PLXDC2: variants seen among roughly 807,000 people sequenced by gnomAD.
The protein encoded by PLXDC2 is plexin domain containing 2.
A neutral mutation model predicts 68.9 loss-of-function variants in PLXDC2; 40 were observed. The observed-to-expected ratio is 0.58, with a 90% CI of 0.45 to 0.76. PLXDC2 has a LOEUF of 0.76. PLXDC2 is among the 30% of genes least tolerant of loss of function. The probability of loss-of-function intolerance (pLI) is 0.00; values close to 1 mark genes in which losing one functional copy is unlikely to be tolerated. For missense variants in PLXDC2, 644 were observed against 661.9 expected, an observed-to-expected ratio of 0.97 and a Z score of 0.30; for synonymous variants, 243 against 234.2, an observed-to-expected ratio of 1.04 and a Z score of -0.34.
intron 1 of PLXDC2, among the ~76,000 whole-genome samples, chr10:19,828,453 C>T (rs1414451082): frequency 2.0e-5 from 3 of 152,180 alleles, no homozygotes; most frequent in Admixed American, 6.5e-5. Flanking sequence ...CAGCTCAGCA[C>T]AGTCCATGAC....
chr10:20,211,791 T>C, intron 10 of PLXDC2, 62 bp downstream of exon 10: 1 of 1,471,724 alleles, frequency 6.8e-7, no homozygotes, highest in Non-Finnish European at 9.4e-7. Flanking sequence ...GTGTTTTAAC[T>C]GTTAATAATT....
intron 1 of PLXDC2, among the ~76,000 whole-genome samples, chr10:19,863,697 A>G (rs527602937): frequency 1.3e-5 from 2 of 152,344 alleles, no homozygotes; most frequent in South Asian, 4.1e-4. Flanking sequence ...TAGCTTGTTT[A>G]TTAAAAATTA....
intron 2 of PLXDC2, 143 bp from the exon 3 acceptor site, chr10:20,046,726 C>T (rs1216893872): frequency 5.4e-6 from 4 of 746,772 alleles, no homozygotes; most frequent in South Asian, 2.8e-5. Flanking sequence ...TTATTTAATC[C>T]AAATTCACTT....
chr10:20,276,061 T>C (rs980607643), intron 13 of PLXDC2, among the ~76,000 whole-genome samples: 1 of 152,198 alleles, frequency 6.6e-6, no homozygotes. Flanking sequence ...TCCCAGCCTC[T>C]TTCTATTCCC....
intron 1 of PLXDC2, among the ~76,000 whole-genome samples, chr10:19,973,243 CAT>C (rs1029555929): frequency 5.4e-4 from 81 of 148,776 alleles, no homozygotes; most frequent in Non-Finnish European, 8.5e-4. Flanking sequence ...TATATACACA[CAT>C]ATATATGTAT....
At chr10:20,274,264 A>T (rs1303190890) in intron 13 of PLXDC2, among the ~76,000 whole-genome samples, 1 of 152,192 alleles carries the variant, frequency 6.6e-6, no homozygotes, top group Non-Finnish European at 1.5e-5. Context: ...AGTGTTTGCA[A>T]TGTGTGATTG....
chr10:19,846,850 A>G (rs571298454), intron 1 of PLXDC2, among the ~76,000 whole-genome samples: 1 of 152,280 alleles, frequency 6.6e-6, no homozygotes, highest in South Asian at 2.1e-4. Flanking sequence ...GTAATTTATA[A>G]AGAAACAGAG....
chr10:19,852,425 C>CAAAAAAAAAAAAAAAAAAAA (rs61430454), intron 1 of PLXDC2, among the ~76,000 whole-genome samples: 4 of 61,936 alleles, frequency 6.5e-5, no homozygotes, highest in Non-Finnish European at 8.7e-5. Context: ...GACCCTGTCT[C>CAAAAAAAAAAAAAAAAAAAA]AAAAAAAAAA....
chr10:20,184,273 C>T (rs1834649217), intron 9 of PLXDC2, among the ~76,000 whole-genome samples: 1 of 150,738 alleles, frequency 6.6e-6, no homozygotes, highest in Non-Finnish European at 1.5e-5. Context: ...AAAAGAATCA[C>T]CTATATTTCA....
intron 2 of PLXDC2, among the ~76,000 whole-genome samples, chr10:20,023,073 T>C (rs937326556): frequency 2.3e-4 from 34 of 148,466 alleles, no homozygotes; most frequent in Non-Finnish European, 4.8e-4. Flanking sequence ...AGTAATGGCA[T>C]TTAAATATAT....
intron 9 of PLXDC2, among the ~76,000 whole-genome samples, chr10:20,207,613 A>G (rs1225360095): frequency 6.6e-6 from 1 of 152,224 alleles, no homozygotes; most frequent in Non-Finnish European, 1.5e-5. Context: ...ACAGAATGTC[A>G]GTACATTCTT....
At position 19,852,425 on chromosome 10, in the gene PLXDC2, C is replaced by CAA. The variant is rs61430454; in HGVS notation, c.112+35273_112+35274dup. ...TGGGTGACAGAGCAAGACCCTGTCT[C>CAA]AAAAAAAAAAAAAAAAAAAAAAAAA... On this transcript the variant is annotated intron_variant, in intron 1 of 13. Coordinates refer to ENST00000377252, the MANE Select transcript of PLXDC2 (RefSeq NM_032812.9). Among the ~76,000 whole-genome samples the CAA allele has an allele frequency of 1.5e-3, 94 of 61,930 alleles. 7 individuals are homozygous for CAA. The highest frequency in any genetic ancestry group is 2.2e-3 in the Non-Finnish European group (75 of 34,614). The allele number at this position is 61,930 out of a possible 152,430, so 40.6% of individuals were successfully genotyped here.
rs1589484084 is a variant in PLXDC2, at chr10:19,822,155, A to ATATATAATGTATATACACTATATATGCAC, written c.112+4971_112+4999dup. ...TGCATATATATGCACTATATATGCA[A>ATATATAATGTATATACACTATATATGCAC]TATATAATGTATATACACTATATAT... On this transcript the variant is annotated intron_variant, in intron 1 of 13. Transcript: ENST00000377252. Among the ~76,000 whole-genome samples the ATATATAATGTATATACACTATATATGCAC allele has an allele frequency of 2.0e-5, 3 of 150,272 alleles. No individual in the cohort carries two copies. The East Asian group carries it at 5.8e-4, about 29-fold the overall frequency.
intron 9 of PLXDC2, among the ~76,000 whole-genome samples, chr10:20,210,921 C>G (rs1835061162): frequency 6.6e-6 from 1 of 152,122 alleles, no homozygotes. Context: ...GATAGAATGC[C>G]CTTGTGACTA....
chr10:19,829,355 G>A (rs950746162), intron 1 of PLXDC2, among the ~76,000 whole-genome samples: 2 of 152,056 alleles, frequency 1.3e-5, no homozygotes, highest in African/African-American at 4.8e-5. Flanking sequence ...TAGGATGCTT[G>A]TTAGCGTTCC....
chr10:20,079,768 C>A (rs902120455), intron 4 of PLXDC2, among the ~76,000 whole-genome samples: 5 of 152,166 alleles, frequency 3.3e-5, no homozygotes, highest in African/African-American at 9.6e-5. Flanking sequence ...GAACATCACA[C>A]AATGGGGCCC....
At chr10:19,818,135 A>G (rs1487321703) in intron 1 of PLXDC2, among the ~76,000 whole-genome samples, 3 of 152,208 alleles carry the variant, frequency 2.0e-5, no homozygotes, top group Non-Finnish European at 2.9e-5. Flanking sequence ...GTGAAACGAG[A>G]GAAAAAGAAA....
intron 6 of PLXDC2, among the ~76,000 whole-genome samples, chr10:20,163,139 C>T (rs1834328843): frequency 6.6e-6 from 1 of 152,000 alleles, no homozygotes; most frequent in Non-Finnish European, 1.5e-5. Flanking sequence ...TTTCTGTTAT[C>T]CAAATACCAG....
intron 9 of PLXDC2, among the ~76,000 whole-genome samples, chr10:20,198,047 G>T (rs74400184): frequency 0.097 from 14,815 of 152,092 alleles, 874 homozygotes; most frequent in Non-Finnish European, 0.14. Context: ...CTGTCCTAAA[G>T]GTGGGTGCTG....
Sources: allele counts gnomAD v4.1 joint callset (sites outside exome capture counted in the v4.1 genomes callset), GRCh38; gene constraint gnomAD v4.1.1; transcripts MANE v1.5; gene names NCBI Gene and HGNC (gene_info 2026-07-23, HGNC 2026-07-21).